IGF1: variants seen among roughly 807,000 people sequenced by gnomAD.
IGF1 encodes the protein insulin like growth factor 1.
A neutral mutation model predicts 13.8 loss-of-function variants in IGF1; 4 were observed. The observed-to-expected ratio is 0.29, with a 90% confidence interval of 0.14 to 0.66. The LOEUF (loss-of-function observed/expected upper bound fraction) is 0.66, where lower values mean the gene tolerates loss of function less well. Among genes scored for constraint, IGF1 ranks in the 30% least tolerant of loss-of-function variants. The pLI, the probability that IGF1 is intolerant of heterozygous loss-of-function variation, is 0.78. For synonymous variants in IGF1, 76 were observed against 72.6 expected, an observed-to-expected ratio of 1.05 and a Z score of -0.23; for missense variants, 124 against 188.5, an observed-to-expected ratio of 0.66 and a Z score of 2.00.
At chr12:102,437,869 A>G (rs1361996247) in intron 2 of IGF1, among the ~76,000 whole-genome samples, 1 of 152,252 alleles carries the variant, frequency 6.6e-6, no homozygotes, top group African/African-American at 2.4e-5. Context: ...GTATCAGAAC[A>G]TCATGTGTAC....
chr12:102,406,591 C>T (rs1292170181), intron 3 of IGF1, among the ~76,000 whole-genome samples: 1 of 152,098 alleles, frequency 6.6e-6, no homozygotes, highest in Non-Finnish European at 1.5e-5. Flanking sequence ...GAAGTTTACC[C>T]TTTAGAAGGA....
At chr12:102,410,505 A>G (rs1659900627) in intron 3 of IGF1, among the ~76,000 whole-genome samples, 1 of 152,246 alleles carries the variant, frequency 6.6e-6, no homozygotes, top group Non-Finnish European at 1.5e-5. Context: ...GATTCAGCAC[A>G]TTAGTACCTA....
chr12:102,412,570 T>C (rs899379635), intron 3 of IGF1, among the ~76,000 whole-genome samples: 4 of 152,200 alleles, frequency 2.6e-5, no homozygotes, highest in African/African-American at 9.7e-5. Flanking sequence ...TTCCACTTTT[T>C]AAAAAGTTAG....
At chr12:102,475,861 G>A in intron 1 of IGF1, 62 bp from the exon 2 acceptor site, 1 of 1,528,792 alleles carries the variant, frequency 6.5e-7, no homozygotes, top group South Asian at 1.2e-5. Flanking sequence ...GGAGTGGGGT[G>A]GGACAGAAGT....
chr12:102,443,331 T>C (rs893915612), intron 2 of IGF1, among the ~76,000 whole-genome samples: 5 of 152,134 alleles, frequency 3.3e-5, no homozygotes, highest in African/African-American at 9.7e-5. Context: ...ATGCATCCTT[T>C]GCTTTTTCTA....
At chr12:102,473,896 A>G (rs1449250176) in intron 2 of IGF1, among the ~76,000 whole-genome samples, 1 of 152,196 alleles carries the variant, frequency 6.6e-6, no homozygotes, top group Non-Finnish European at 1.5e-5. Context: ...TAGGCATAGA[A>G]AGATCCAGTT....
At chr12:102,471,334 C>G (rs1880672250) in intron 2 of IGF1, among the ~76,000 whole-genome samples, 1 of 152,062 alleles carries the variant, frequency 6.6e-6, no homozygotes, top group South Asian at 2.1e-4. Flanking sequence ...AATAAAATTC[C>G]CTTGTTCTAT....
intron 2 of IGF1, among the ~76,000 whole-genome samples, chr12:102,467,104 A>C (rs1880388038): frequency 6.6e-6 from 1 of 152,112 alleles, no homozygotes; most frequent in Admixed American, 6.6e-5. Context: ...CTCAGTGCAG[A>C]CTTTCTAAAT....
chr12:102,470,268 G>GC (rs1167999266), intron 2 of IGF1, among the ~76,000 whole-genome samples: 1 of 152,220 alleles, frequency 6.6e-6, no homozygotes, highest in African/African-American at 2.4e-5. Context: ...AAGTTGCAGA[G>GC]CTGGGGTTCA....
chr12:102,458,787 C>G (rs546323108), intron 2 of IGF1, among the ~76,000 whole-genome samples: 1 of 141,606 alleles, frequency 7.1e-6, no homozygotes, highest in African/African-American at 2.6e-5. Flanking sequence ...TATTGCTTCT[C>G]TCTCTCAGAG....
intron 2 of IGF1, among the ~76,000 whole-genome samples, chr12:102,468,483 C>A (rs1240197748): frequency 6.6e-6 from 1 of 152,226 alleles, no homozygotes; most frequent in East Asian, 1.9e-4. Context: ...CTTTAAGTGG[C>A]TTTAGCCAAT....
intron 3 of IGF1, among the ~76,000 whole-genome samples, chr12:102,417,016 C>T (rs1419395620): frequency 2.0e-5 from 3 of 152,098 alleles, no homozygotes; most frequent in South Asian, 4.1e-4. Context: ...AGGAGGCCAC[C>T]TACAAGCCGA....
chr12:102,438,268 G>A (rs1314375463), intron 2 of IGF1, among the ~76,000 whole-genome samples: 1 of 152,096 alleles, frequency 6.6e-6, no homozygotes, highest in Admixed American at 6.5e-5. Context: ...AGACATCGAC[G>A]ACTGGCCTGC....
At chr12:102,432,723 G>A (rs1297029470) in intron 2 of IGF1, among the ~76,000 whole-genome samples, 1 of 152,090 alleles carries the variant, frequency 6.6e-6, no homozygotes, top group Non-Finnish European at 1.5e-5. Context: ...GTAAAACCAA[G>A]GAAAATGAAA....
chr12:102,463,596 G>A (rs1780862312), intron 2 of IGF1: 2 of 152,196 alleles, frequency 1.3e-5, no homozygotes, highest in Non-Finnish European at 1.5e-5. Flanking sequence ...ACTTCATGAT[G>A]TTATCCGATG....
At chr12:102,450,736 T>A (rs985470805) in intron 2 of IGF1, among the ~76,000 whole-genome samples, 8 of 152,364 alleles carry the variant, frequency 5.3e-5, no homozygotes, top group African/African-American at 1.9e-4. Flanking sequence ...TGTTTGTCAA[T>A]ACAATAATAT....
chr12:102,411,018 A>C (rs1874591417), intron 3 of IGF1, among the ~76,000 whole-genome samples: 1 of 152,252 alleles, frequency 6.6e-6, no homozygotes, highest in Non-Finnish European at 1.5e-5. Flanking sequence ...GTTTTAAAAA[A>C]ATCAGAATTG....
chr12:102,478,364 A>C (rs1881199445), intron 1 of IGF1: 2 of 628,972 alleles, frequency 3.2e-6, no homozygotes, highest in African/African-American at 4.9e-5. Context: ...CACAAACCCA[A>C]ATTTTAAAAG....
chr12:102,399,873 AAAG>A lies in IGF1; in HGVS notation c.*2631_*2633del, dbSNP rs1179475816. On this transcript the variant is annotated 3_prime_UTR_variant, in exon 4 of 4. Coordinates refer to ENST00000337514, the MANE Select transcript of IGF1 (RefSeq NM_000618.5). ...GGTACACACTGGGGACAAGAAATAAAAAGAAGTGCCATCTTGGGAAGAGGAGTC... is the reference window on the plus strand; with the variant it reads ...GGTACACACTGGGGACAAGAAATAAAAAGTGCCATCTTGGGAAGAGGAGTC... 1.3e-5 allele frequency: 2 copies of A among 152,342 alleles called. No homozygotes were observed. The highest frequency in any genetic ancestry group is 2.9e-5 in the Non-Finnish European group (2 of 68,028). 9.4% of individuals were successfully genotyped at this position (152,342 alleles called of 1,614,324 possible).
Sources: gnomAD v4.1 joint callset for allele counts (sites outside exome capture counted in the v4.1 genomes callset) on GRCh38, gnomAD v4.1.1 for gene constraint, MANE v1.5 for transcripts, NCBI Gene and HGNC (gene_info 2026-07-23, HGNC 2026-07-21) for gene names.